The following CACNB2 variants were observed in gnomAD, a reference collection of about 807,000 sequenced individuals.
The protein encoded by CACNB2 is voltage-dependent L-type calcium channel subunit beta-2.
A neutral mutation model predicts 73.3 loss-of-function variants in CACNB2; 42 were observed. The observed-to-expected ratio is 0.57, with a 90% confidence interval of 0.45 to 0.74. The LOEUF (loss-of-function observed/expected upper bound fraction) is 0.74, where lower values mean the gene tolerates loss of function less well. Among genes scored for constraint, CACNB2 ranks in the 30% least tolerant of loss-of-function variants. The pLI is 0.00. For missense variants in CACNB2, 940 were observed against 853.0 expected (o/e 1.10, Z -1.27); for synonymous variants, 348 against 310.3 (o/e 1.12, Z -1.28).
intron 2 of CACNB2, among the ~76,000 whole-genome samples, chr10:18,313,477 C>A (rs894555180): frequency 6.6e-6 from 1 of 151,644 alleles, no homozygotes; most frequent in African/African-American, 2.4e-5. Context: ...TATAACCATG[C>A]CAATTGCTGT....
chr10:18,443,543 A>G (rs1012448676), intron 3 of CACNB2, among the ~76,000 whole-genome samples: 2 of 152,102 alleles, frequency 1.3e-5, no homozygotes. Context: ...ATTGTCTTAA[A>G]TAATTTGAGT....
intron 10 of CACNB2, among the ~76,000 whole-genome samples, chr10:18,532,706 A>AAAAAAAAAAC (rs1564663766): frequency 1.5e-5 from 1 of 64,766 alleles, no homozygotes; most frequent in African/African-American, 5.4e-5. Context: ...ACAAAACAAA[A>AAAAAAAAAAC]AAACAAACAA....
At chr10:18,505,817 C>T (rs773873314) in intron 5 of CACNB2, among the ~76,000 whole-genome samples, 63 of 152,110 alleles carry the variant, frequency 4.1e-4, no homozygotes, top group African/African-American at 1.4e-3. Flanking sequence ...TTTGGTAGTT[C>T]GGAAATGTAT....
intron 2 of CACNB2, among the ~76,000 whole-genome samples, chr10:18,271,660 T>C (rs1224887151): frequency 1.3e-5 from 2 of 152,130 alleles, no homozygotes; most frequent in Non-Finnish European, 2.9e-5. Context: ...AGGTAGCCGT[T>C]CTCTGAAGCA....
At chr10:18,339,720 G>A (rs572032146) in intron 2 of CACNB2, among the ~76,000 whole-genome samples, 7 of 152,150 alleles carry the variant, frequency 4.6e-5, no homozygotes, top group Non-Finnish European at 1.0e-4. Flanking sequence ...GAACAAGCCC[G>A]TATGTTCCAA....
chr10:18,302,374 C>T (rs2039555698), intron 2 of CACNB2, among the ~76,000 whole-genome samples: 1 of 152,096 alleles, frequency 6.6e-6, no homozygotes, highest in South Asian at 2.1e-4. Context: ...ATGTGAATGA[C>T]ATTATACAAA....
At chr10:18,447,070 A>T (rs1262478435) in intron 3 of CACNB2, among the ~76,000 whole-genome samples, 1 of 152,028 alleles carries the variant, frequency 6.6e-6, no homozygotes, top group African/African-American at 2.4e-5. Flanking sequence ...AAAAAAAAAA[A>T]ATAAATAAAT....
At chr10:18,161,741 T>G (rs1459211488) in intron 2 of CACNB2, among the ~76,000 whole-genome samples, 2 of 151,838 alleles carry the variant, frequency 1.3e-5, no homozygotes, top group African/African-American at 4.8e-5. Flanking sequence ...CTGGCCAACA[T>G]GCTGAAACCC....
intron 2 of CACNB2, among the ~76,000 whole-genome samples, chr10:18,378,604 A>G (rs371104441): frequency 9.9e-5 from 15 of 152,268 alleles, no homozygotes; most frequent in African/African-American, 2.9e-4. Flanking sequence ...TTTTGAAATT[A>G]TACAGGAGTG....
At chr10:18,295,347 A>G (rs1425771194) in intron 2 of CACNB2, among the ~76,000 whole-genome samples, 1 of 152,168 alleles carries the variant, frequency 6.6e-6, no homozygotes, top group Non-Finnish European at 1.5e-5. Flanking sequence ...TAGACCCCTA[A>G]TGGCTGTAGA....
chr10:18,141,333 G>T, intron 1 of CACNB2: 1 of 904,960 alleles, frequency 1.1e-6, no homozygotes. Context: ...GGGTGCAGGT[G>T]GGCAGGAGGG....
rs1366065782 is a variant in CACNB2, at chr10:18,387,556, A to G, written c.214-14368A>G. On this transcript the variant is annotated intron_variant, in intron 2 of 13. Coordinates refer to ENST00000324631, the MANE Select transcript of CACNB2 (RefSeq NM_201596.3). ...TAATAATAATACTGAGTTGTGCATC[A>G]TTTCCAATGATTGTCATTTAAATGA... Among the ~76,000 whole-genome samples the G allele has an allele frequency of 2.0e-5, 3 of 152,248 alleles. No individual in the cohort carries two copies. In the East Asian group the frequency reaches 5.8e-4, roughly 29 times the overall value.
chr10:18,150,853 G>GTGTTTTTTTTTTTT, intron 1 of CACNB2, 30 bp from the exon 2 acceptor site: 1 of 655,042 alleles, frequency 1.5e-6, no homozygotes, highest in Non-Finnish European at 2.1e-6. Flanking sequence ...AATCTTATTT[G>GTGTTTTTTTTTTTT]TCTTTTTTTT....
chr10:18,254,188 G>A (rs532280341), intron 2 of CACNB2, among the ~76,000 whole-genome samples: 158 of 152,274 alleles, frequency 1.0e-3, no homozygotes, highest in Admixed American at 3.3e-4. Context: ...TTTGAGCTAC[G>A]CAATTAAAAA....
At chr10:18,403,350 T>G (rs1157993721) in intron 3 of CACNB2, among the ~76,000 whole-genome samples, 1 of 152,274 alleles carries the variant, frequency 6.6e-6, no homozygotes, top group East Asian at 1.9e-4. Context: ...TGCATTGTAG[T>G]TAATATAGGT....
chr10:18,329,393 T>C (rs1245369349), intron 2 of CACNB2, among the ~76,000 whole-genome samples: 1 of 151,986 alleles, frequency 6.6e-6, no homozygotes, highest in East Asian at 1.9e-4. Context: ...GAAAAGTTCT[T>C]ATTCTAAAGG....
intron 9 of CACNB2, among the ~76,000 whole-genome samples, chr10:18,527,201 C>T: frequency 6.6e-6 from 1 of 151,934 alleles, no homozygotes; most frequent in East Asian, 1.9e-4. Flanking sequence ...CATAGTGAAA[C>T]CCCCTCTGTA....
rs1190416414 is a variant in CACNB2 at position 18,541,295 on chromosome 10, A to ATGT, written c.*1573_*1575dup. Reference sequence around the variant, plus strand: ...AATGGGGTGACTTGAAGTGAATAAAATGTTAAGAATATTATCCTACATAAG... The same window carrying ATGT: ...AATGGGGTGACTTGAAGTGAATAAAATGTTGTTAAGAATATTATCCTACATAAG... On this transcript the variant is annotated 3_prime_UTR_variant, in exon 14 of 14. Coordinates refer to ENST00000324631, the MANE Select transcript of CACNB2 (RefSeq NM_201596.3). 6.6e-6 allele frequency: 1 copy of ATGT among 152,646 alleles called. No homozygotes were observed. Among genetic ancestry groups the ATGT allele is most frequent in the Non-Finnish European group, 1.5e-5 (1 of 68,042 alleles). The allele number at this position is 152,646 out of a possible 1,614,324, so 9.5% of individuals were successfully genotyped here.
chr10:18,349,971 C>T (rs757088810), intron 2 of CACNB2, among the ~76,000 whole-genome samples: 3 of 152,128 alleles, frequency 2.0e-5, no homozygotes, highest in South Asian at 2.1e-4. Context: ...CAGCTGGGTG[C>T]GGTGGCTCAT....
Sources: allele counts gnomAD v4.1 joint callset (sites outside exome capture counted in the v4.1 genomes callset), GRCh38; gene constraint gnomAD v4.1.1; transcripts MANE v1.5; gene names NCBI Gene and HGNC (gene_info 2026-07-23, HGNC 2026-07-21).